The following SIX1 variants were observed in gnomAD, a reference collection of about 807,000 sequenced individuals.
The protein encoded by SIX1 is homeobox protein SIX1.
SIX1 carries 11 observed loss-of-function variants against 26.5 expected under a neutral mutation model. That is an observed-to-expected ratio of 0.41 (90% CI 0.26 to 0.69). SIX1 has a LOEUF of 0.69. Among genes scored for constraint, SIX1 ranks in the 30% least tolerant of loss-of-function variants. The pLI is 0.28. For missense variants in SIX1, 333 were observed against 365.9 expected (o/e 0.91, Z 0.73); for synonymous variants, 177 against 166.2 (o/e 1.06, Z -0.50).
Position 60,643,958 on chromosome 14 carries a change from C to T in SIX1, c.*2325G>A, listed in dbSNP as rs1594670356. 1 of 152,212 alleles carries T rather than the reference C, an allele frequency of 6.6e-6. No homozygotes were observed. The highest frequency in any genetic ancestry group is 1.9e-4 in the East Asian group (1 of 5,198). The allele number at this position is 152,212 out of a possible 1,614,324, so 9.4% of individuals were successfully genotyped here. A position where few individuals can be genotyped will look rare whatever the true frequency, so the allele number is the denominator to read the frequency against. The stretch of plus-strand genomic sequence containing the variant: ...GATCTGCAGACATTTCCAAGATTCA[C>T]CAACTAAGGGAGCAGGAAGTGGGCC... On this transcript the variant is annotated 3_prime_UTR_variant, in exon 2 of 2. Coordinates refer to ENST00000645694, the MANE Select transcript of SIX1 (RefSeq NM_005982.4).
rs1047896719 is a variant in SIX1, at chr14:60,643,713, T to G, written c.*2570A>C. ...CAAAGCAATATCCAGCTTTCTCGCCTCCTCCTGCTCGCCCCTTTTACCCAG... is the reference window on the plus strand; with the variant it reads ...CAAAGCAATATCCAGCTTTCTCGCCGCCTCCTGCTCGCCCCTTTTACCCAG... On this transcript the variant is annotated 3_prime_UTR_variant, in exon 2 of 2. Coordinates refer to ENST00000645694, the MANE Select transcript of SIX1 (RefSeq NM_005982.4). 1 of 152,106 alleles carries G rather than the reference T, an allele frequency of 6.6e-6. No homozygotes were observed. 9.4% of individuals were successfully genotyped at this position (152,106 alleles called of 1,614,324 possible).
At position 60,648,698 on chromosome 14, in the gene SIX1, G is replaced by A. The variant is rs1428140971; in HGVS notation, c.492C>T (p.Thr164=). ...KRELAEATGL[T]TTQVSNWFKN... is the part of the protein sequence containing the mutation. ...TAAACCAGTTGCTGACCTGGGTGGT[G>A]GTGAGGCCGGTGGCCTCGGCCAGCT... The change falls in exon 1 of 2, where the codon ACC becomes ACT. Residue 164 remains threonine, a synonymous_variant. Transcript: ENST00000645694. The surrounding 1 kb of genome is among the most constrained non-coding windows in gnomAD (Gnocchi z 7.9). The A allele has an allele frequency of 1.9e-6, 3 of 1,613,924 alleles. No homozygotes were observed. Among genetic ancestry groups the A allele is most frequent in the East Asian group, 4.5e-5 (2 of 44,890 alleles).
In SIX1 at chr14:60,649,034, G is replaced by A. The variant is rs1020503352; in HGVS notation, c.156C>T (p.Ala52=). 5 of 1,613,850 alleles carry A rather than the reference G, an allele frequency of 3.1e-6. No homozygotes were observed. In the Admixed American group the frequency reaches 5.0e-5, roughly 16 times the overall value. ...HLHKNESVLK[A]KAVVAFHRGN... ...CGCGGTGGAAGGCGACCACCGCCTT[G>A]GCCTTGAGTACGCTCTCGTTCTTGT... Residue 52 remains alanine, a synonymous_variant, in exon 1 of 2, where the codon GCC becomes GCT. Coordinates refer to ENST00000645694, the MANE Select transcript of SIX1 (RefSeq NM_005982.4). The surrounding 1 kb of genome is among the most constrained non-coding windows in gnomAD (Gnocchi z 5.1).
rs1204727101 is a variant in SIX1, at chr14:60,647,440, A to C, written c.561-863T>G. On this transcript the variant is annotated intron_variant, in intron 1 of 1. Transcript: ENST00000645694. This position sits in a 1 kb window ranked among gnomAD's most constrained non-coding sequence, Gnocchi z 5.1. Reference sequence around the variant, plus strand: ...GGCGCGCTGGGGCGTCAGTCCGGGCACTCGGTACCGGTTAACTTCAGGATT... The same window carrying C: ...GGCGCGCTGGGGCGTCAGTCCGGGCCCTCGGTACCGGTTAACTTCAGGATT... 6.6e-6 allele frequency among the ~76,000 whole-genome samples: 1 copy of C among 151,992 alleles called. No homozygotes were observed. The highest frequency in any genetic ancestry group is 1.5e-5 in the Non-Finnish European group (1 of 68,002).
In SIX1 at chr14:60,646,399, A is replaced by G. The variant is rs1470481678; in HGVS notation, c.739T>C (p.Ser247Pro). The change falls in exon 2 of 2, where the codon TCT (serine) becomes CCT (proline). Residue 247 changes from serine to proline, a missense_variant. Coordinates refer to ENST00000645694, the MANE Select transcript of SIX1 (RefSeq NM_005982.4). ...NMGHARSSNY[S>P]LPGLTASQPS... Reference sequence around the variant, plus strand: ...TGCGAGGCTGTTAAGCCCGGGAGAGAATAGTTTGAGCTCCTGGCGTGGCCC... The same window carrying G: ...TGCGAGGCTGTTAAGCCCGGGAGAGGATAGTTTGAGCTCCTGGCGTGGCCC... 8 of 1,613,824 alleles carry G rather than the reference A, an allele frequency of 5.0e-6. No homozygotes were observed. Among genetic ancestry groups the G allele is most frequent in the East Asian group, 4.5e-5 (2 of 44,866 alleles).
Position 60,646,042 on chromosome 14 carries a change from C to A in SIX1, c.*241G>T, listed in dbSNP as rs1484108960. Reference sequence around the variant, plus strand: ...GTTTTTTTTTTTTTTTTTCCCTGATCTCTGCATTGGGAAGGAAAATGCAAA... The same window carrying A: ...GTTTTTTTTTTTTTTTTTCCCTGATATCTGCATTGGGAAGGAAAATGCAAA... On this transcript the variant is annotated 3_prime_UTR_variant, in exon 2 of 2. Transcript: ENST00000645694. 3.7e-4 allele frequency: 97 copies of A among 264,486 alleles called. No homozygotes were observed. The highest frequency in any genetic ancestry group is 7.3e-4 in the East Asian group (11 of 15,158). 16.4% of individuals were successfully genotyped at this position (264,486 alleles called of 1,614,324 possible).
At position 60,646,560 on chromosome 14, in the gene SIX1, T is replaced by A. The variant is rs142301715; in HGVS notation, c.578A>T (p.Asn193Ile). The change falls in exon 2 of 2, where the codon AAT (asparagine) becomes ATT (isoleucine). Residue 193 changes from asparagine (N) to isoleucine (I), a missense_variant. Transcript: ENST00000645694. The part of the protein sequence containing the change: ...EAKERENTEN[N>I]NSSSNKQNQL... Reference sequence around the variant, plus strand: ...GTTCTGCTTGTTGGAGGAGGAGTTATTGTTTTCGGTGTTCTCCCTAAGAAA... The same window carrying A: ...GTTCTGCTTGTTGGAGGAGGAGTTAATGTTTTCGGTGTTCTCCCTAAGAAA... 4.6e-4 allele frequency: 740 copies of A among 1,606,770 alleles called. 1 individual carries two copies. The highest frequency in any genetic ancestry group is 1.2e-3 in the South Asian group (110 of 90,922).
rs1191600689 is a variant in SIX1, at chr14:60,643,949, C to T, written c.*2334G>A. 6.6e-6 allele frequency: 1 copy of T among 152,186 alleles called. No homozygotes were observed. The highest frequency in any genetic ancestry group is 2.4e-5 in the African/African-American group (1 of 41,434). The allele number at this position is 152,186 out of a possible 1,614,324, so 9.4% of individuals were successfully genotyped here. A position where few individuals can be genotyped will look rare whatever the true frequency, so the allele number is the denominator to read the frequency against. On this transcript the variant is annotated 3_prime_UTR_variant, in exon 2 of 2. Coordinates refer to ENST00000645694, the MANE Select transcript of SIX1 (RefSeq NM_005982.4). The stretch of plus-strand genomic sequence containing the variant: ...TCCTCGCCGGATCTGCAGACATTTC[C>T]AAGATTCACCAACTAAGGGAGCAGG...
At chr14:60,646,612 A>G (rs757460827) in intron 1 of SIX1, 35 bp from the exon 2 acceptor site, 1 of 1,226,420 alleles carries the variant, frequency 8.2e-7, no homozygotes. Context: ...ATGGTTAAAA[A>G]AAAAAAAAAA....
In SIX1 at chr14:60,648,818, G is replaced by A. The variant is rs1298242320; in HGVS notation, c.372C>T (p.Gly124=). The change falls in exon 1 of 2, where the codon GGC becomes GGT. Residue 124 remains glycine, a synonymous_variant. Transcript: ENST00000645694. The surrounding 1 kb of genome is among the most constrained non-coding windows in gnomAD (Gnocchi z 7.9). ...CCTTGAAGCAGTAGCTGGTCTCCTC[G>A]CCGTCCCAGATGGTGCGCGGCAGTG... The part of the protein sequence containing the change: ...KFPLPRTIWD[G]EETSYCFKEK... 1.2e-6 allele frequency: 2 copies of A among 1,614,202 alleles called. No individual in the cohort carries two copies. The highest frequency in any genetic ancestry group is 8.5e-7 in the Non-Finnish European group (1 of 1,180,044).
rs2140240978 is a variant in SIX1 at position 60,648,657 on chromosome 14, CTT to C, written c.531_532del (p.Asp179ProfsTer15). 6.2e-7 allele frequency: 1 copy of C among 1,614,050 alleles called. No homozygotes were observed. The highest frequency in any genetic ancestry group is 1.1e-5 in the South Asian group (1 of 91,070). ...TTCCTTGGCCTCCGCGGCCCGGTCT[CTT>C]TGCCTCCGGTTCTTAAACCAGTTGC... On this transcript the variant is annotated frameshift_variant, in exon 1 of 2. Coordinates refer to ENST00000645694, the MANE Select transcript of SIX1 (RefSeq NM_005982.4). LOFTEE classifies it high-confidence loss of function. The surrounding 1 kb of genome is among the most constrained non-coding windows in gnomAD (Gnocchi z 7.9).
chr14:60,646,134 GAT>G lies in SIX1; in HGVS notation c.*147_*148del, dbSNP rs1298159023. The G allele has an allele frequency of 2.9e-6, 2 of 688,466 alleles. No homozygotes were observed. Among genetic ancestry groups the G allele is most frequent in the Non-Finnish European group, 4.7e-6 (2 of 424,710 alleles). The allele number at this position is 688,466 out of a possible 1,614,324, so 42.6% of individuals were successfully genotyped here. A position where few individuals can be genotyped will look rare whatever the true frequency, so the allele number is the denominator to read the frequency against. On this transcript the variant is annotated 3_prime_UTR_variant, in exon 2 of 2. Coordinates refer to ENST00000645694, the MANE Select transcript of SIX1 (RefSeq NM_005982.4). Reference sequence around the variant, plus strand: ...CGCTGTTGGTTTTGATTTTTAAAAAGATATTTGTGAAAGTCCACCATTCCTTT... The same window carrying G: ...CGCTGTTGGTTTTGATTTTTAAAAAGATTTGTGAAAGTCCACCATTCCTTT...
rs1466522200 is a variant in SIX1 at position 60,645,535 on chromosome 14, A to G, written c.*748T>C. ...GTCATTTAAAAAAAAAAAACCCAAG[A>G]AAACAAACAACAACCAAAAAATCCC... On this transcript the variant is annotated 3_prime_UTR_variant, in exon 2 of 2. Coordinates refer to ENST00000645694, the MANE Select transcript of SIX1 (RefSeq NM_005982.4). This position sits in a 1 kb window ranked among gnomAD's most constrained non-coding sequence, Gnocchi z 4.6. The G allele has an allele frequency of 1.3e-5, 2 of 151,742 alleles. No individual in the cohort carries two copies. Among genetic ancestry groups the G allele is most frequent in the Admixed American group, 1.3e-4 (2 of 15,244 alleles). 9.4% of individuals were successfully genotyped at this position (151,742 alleles called of 1,614,324 possible).
rs968010829 is a variant in SIX1 at position 60,644,073 on chromosome 14, G to C, written c.*2210C>G. ...GAGGGTAGTCACCGGAGTAGGAAGA[G>C]ACGGCATGTAAGAAATTAAAGTAAT... On this transcript the variant is annotated 3_prime_UTR_variant, in exon 2 of 2. Coordinates refer to ENST00000645694, the MANE Select transcript of SIX1 (RefSeq NM_005982.4). 3 of 152,218 alleles carry C rather than the reference G, an allele frequency of 2.0e-5. No individual in the cohort carries two copies. Among genetic ancestry groups the C allele is most frequent in the African/African-American group, 7.2e-5 (3 of 41,450 alleles). 9.4% of individuals were successfully genotyped at this position (152,218 alleles called of 1,614,324 possible).
In SIX1 at chr14:60,649,028, C is replaced by T. The variant is rs150550985; in HGVS notation, c.162G>A (p.Ala54=). 400 of 1,613,950 alleles carry T rather than the reference C, an allele frequency of 2.5e-4. 4 individuals carry two copies. The Middle Eastern group carries it at 0.014, about 57-fold the overall frequency. The change falls in exon 1 of 2, where the codon GCG becomes GCA. Residue 54 remains alanine, a synonymous_variant. Transcript: ENST00000645694. This position sits in a 1 kb window ranked among gnomAD's most constrained non-coding sequence, Gnocchi z 5.1. ...HKNESVLKAK[A]VVAFHRGNFR... is the part of the protein sequence containing the mutation. ...AGTTGCCGCGGTGGAAGGCGACCAC[C>T]GCCTTGGCCTTGAGTACGCTCTCGT...
chr14:60,649,472 G>A lies in SIX1; in HGVS notation c.-283C>T. The stretch of plus-strand genomic sequence containing the variant: ...CCGGTGGATGCTGCTAGTTGCCGGG[G>A]AACTTGGTTTCTGTTCTCCCCGCAG... On this transcript the variant is annotated 5_prime_UTR_variant, in exon 1 of 2. Transcript: ENST00000645694. This position sits in a 1 kb window ranked among gnomAD's most constrained non-coding sequence, Gnocchi z 5.1. 5.1e-6 allele frequency: 2 copies of A among 390,522 alleles called. No individual in the cohort carries two copies. The highest frequency in any genetic ancestry group is 9.2e-6 in the Non-Finnish European group (2 of 217,872). The allele number at this position is 390,522 out of a possible 1,614,324, so 24.2% of individuals were successfully genotyped here.
In SIX1 at chr14:60,646,209, T is replaced by C. The variant is rs1894937334; in HGVS notation, c.*74A>G. The C allele has an allele frequency of 1.4e-6, 2 of 1,418,230 alleles. No individual in the cohort carries two copies. Among genetic ancestry groups the C allele is most frequent in the Non-Finnish European group, 1.9e-6 (2 of 1,035,280 alleles). 87.9% of individuals were successfully genotyped at this position (1,418,230 alleles called of 1,614,324 possible). A position where few individuals can be genotyped will look rare whatever the true frequency, so the allele number is the denominator to read the frequency against. On this transcript the variant is annotated 3_prime_UTR_variant, in exon 2 of 2. Transcript: ENST00000645694. The stretch of plus-strand genomic sequence containing the variant: ...AAGCTGCAAAAATGTTCCTGATTTC[T>C]ATTTACAAGTGTCCCTAGTCGCTGC...
chr14:60,643,775 A>T lies in SIX1; in HGVS notation c.*2508T>A, dbSNP rs1188032253. 1 of 152,230 alleles carries T rather than the reference A, an allele frequency of 6.6e-6. No individual in the cohort carries two copies. Among genetic ancestry groups the T allele is most frequent in the African/African-American group, 2.4e-5 (1 of 41,448 alleles). The allele number at this position is 152,230 out of a possible 1,614,324, so 9.4% of individuals were successfully genotyped here. The stretch of plus-strand genomic sequence containing the variant: ...GATGGCGGAAGGAGGCACATTGTGC[A>T]ATTTCTTATTAAACACATCTGGAAT... On this transcript the variant is annotated 3_prime_UTR_variant, in exon 2 of 2. Transcript: ENST00000645694.
Position 60,646,005 on chromosome 14 carries a change from T to G in SIX1, c.*278A>C. 2 of 207,380 alleles carry G rather than the reference T, an allele frequency of 9.6e-6. No homozygotes were observed. Among genetic ancestry groups the G allele is most frequent in the Non-Finnish European group, 1.8e-5 (2 of 112,632 alleles). 12.8% of individuals were successfully genotyped at this position (207,380 alleles called of 1,614,324 possible). ...ACTCAGACTGGGTGCCTGGGTGCTT[T>G]TGTTTGTTTGGGTTTTTTTTTTTTT... On this transcript the variant is annotated 3_prime_UTR_variant, in exon 2 of 2. Coordinates refer to ENST00000645694, the MANE Select transcript of SIX1 (RefSeq NM_005982.4).
Sources: gnomAD v4.1 joint callset for allele counts (sites outside exome capture counted in the v4.1 genomes callset) on GRCh38, gnomAD v4.1.1 for gene constraint, Gnocchi (gnomAD v3.1) non-coding constraint, MANE v1.5 for transcripts, NCBI Gene and HGNC (gene_info 2026-07-23, HGNC 2026-07-21) for gene names.